PLD5: variants seen among roughly 807,000 people sequenced by gnomAD.
PLD5 encodes the protein inactive phospholipase D5.
Under a neutral mutation model 61.1 loss-of-function variants are expected in PLD5, and 36 were observed. The ratio of observed to expected loss-of-function variants is 0.59; its 90% CI spans 0.45 to 0.78. The LOEUF (loss-of-function observed/expected upper bound fraction) is 0.78. Ranked by LOEUF, PLD5 falls within the 30% of genes least tolerant of loss-of-function variation. PLD5 has a pLI of 0.00. For synonymous variants in PLD5, 243 were observed against 242.8 expected, an observed-to-expected ratio of 1.00 and a Z score of -0.01; for missense variants, 515 against 644.4, an observed-to-expected ratio of 0.80 and a Z score of 2.17.
chr1:242,475,163 A>G (rs536671576), intron 1 of PLD5, among the ~76,000 whole-genome samples: 1 of 152,370 alleles, frequency 6.6e-6, no homozygotes, highest in South Asian at 2.1e-4. Flanking sequence ...TAACATAGAG[A>G]TGCATGTGCG....
chr1:242,478,541 G>C (rs887973640), intron 1 of PLD5, among the ~76,000 whole-genome samples: 1 of 152,150 alleles, frequency 6.6e-6, no homozygotes, highest in Non-Finnish European at 1.5e-5. Context: ...ACAACTTTCT[G>C]ACCTCCCAGG....
chr1:242,137,054 C>T (rs376556256), intron 5 of PLD5, among the ~76,000 whole-genome samples: 1 of 152,202 alleles, frequency 6.6e-6, no homozygotes, highest in South Asian at 2.1e-4. Flanking sequence ...AGAAGTCAGT[C>T]TGGCAGCAGC....
intron 1 of PLD5, among the ~76,000 whole-genome samples, chr1:242,438,337 C>T (rs1371763141): frequency 6.6e-6 from 1 of 150,636 alleles, no homozygotes; most frequent in Non-Finnish European, 1.5e-5. Flanking sequence ...AATCTTGGCT[C>T]ACTGCAACCT....
At chr1:242,204,337 C>T (rs1669185084) in intron 5 of PLD5, among the ~76,000 whole-genome samples, 2 of 152,096 alleles carry the variant, frequency 1.3e-5, no homozygotes. Flanking sequence ...TGATAATAAC[C>T]TTGAGCAGCA....
At chr1:242,152,033 G>C (rs934815323) in intron 5 of PLD5, among the ~76,000 whole-genome samples, 7 of 150,656 alleles carry the variant, frequency 4.6e-5, no homozygotes, top group African/African-American at 1.7e-4. Flanking sequence ...TTTCAGTGCT[G>C]CAAAGGTACA....
rs1659350330 is a variant in PLD5, at chr1:242,084,000, T to A, written c.*5854A>T. 6.6e-6 allele frequency: 1 copy of A among 152,274 alleles called. No homozygotes were observed. The highest frequency in any genetic ancestry group is 2.1e-4 in the South Asian group (1 of 4,822). The allele number at this position is 152,274 out of a possible 1,614,324, so 9.4% of individuals were successfully genotyped here. On this transcript the variant is annotated 3_prime_UTR_variant, in exon 10 of 10. Coordinates refer to ENST00000536534, the MANE Select transcript of PLD5 (RefSeq NM_001372062.1). ...GGAGAGTCCATAAGGGAATTAATAA[T>A]TTTTTAATGTCTGAGCCAAAAGGAA...
intron 2 of PLD5, among the ~76,000 whole-genome samples, chr1:242,311,627 G>A (rs1010864451): frequency 2.6e-5 from 4 of 152,178 alleles, no homozygotes; most frequent in African/African-American, 7.2e-5. Context: ...TTTGTACGTG[G>A]CAGGCTACTT....
chr1:242,130,360 A>C (rs1663141350), intron 5 of PLD5, among the ~76,000 whole-genome samples: 1 of 152,192 alleles, frequency 6.6e-6, no homozygotes. Context: ...CCTGTTGATG[A>C]ATACTTTGAT....
At chr1:242,333,266 CA>C (rs1659299896) in intron 2 of PLD5, among the ~76,000 whole-genome samples, 1 of 152,174 alleles carries the variant, frequency 6.6e-6, no homozygotes, top group South Asian at 2.1e-4. Flanking sequence ...TGTACAGAAA[CA>C]ATCTCCCAAC....
In PLD5 at chr1:242,089,475, A is replaced by G; in HGVS notation, c.*379T>C. 2 of 437,412 alleles carry G rather than the reference A, an allele frequency of 4.6e-6. No homozygotes were observed. Among genetic ancestry groups the G allele is most frequent in the Non-Finnish European group, 4.0e-6 (1 of 249,686 alleles). 27.1% of individuals were successfully genotyped at this position (437,412 alleles called of 1,614,324 possible). A position where few individuals can be genotyped will look rare whatever the true frequency, so the allele number is the denominator to read the frequency against. On this transcript the variant is annotated 3_prime_UTR_variant, in exon 10 of 10. Transcript: ENST00000536534. ...GCAAAATCCTCACCTTCCTCTCTAAATCAACAGTTCTCAGAATGGTGTTAA... is the reference window on the plus strand; with the variant it reads ...GCAAAATCCTCACCTTCCTCTCTAAGTCAACAGTTCTCAGAATGGTGTTAA...
rs1227669857 is a variant in PLD5 at position 242,494,063 on chromosome 1, T to C, written c.189+30025A>G. On this transcript the variant is annotated intron_variant, in intron 1 of 9. Transcript: ENST00000536534. Reference sequence around the variant, plus strand: ...GCATTGGTATGCTTCATGTTTCCCTTCCCTCCACTCCCCTCCCCTGCCCTC... The same window carrying C: ...GCATTGGTATGCTTCATGTTTCCCTCCCCTCCACTCCCCTCCCCTGCCCTC... Among the ~76,000 whole-genome samples, 147 of 85,194 alleles carry C rather than the reference T, an allele frequency of 1.7e-3. 1 individual carries two copies. Among genetic ancestry groups the C allele is most frequent in the Non-Finnish European group, 2.9e-3 (113 of 38,734 alleles). 55.9% of individuals were successfully genotyped at this position (85,194 alleles called of 152,430 possible).
chr1:242,171,113 G>C (rs963445066), intron 5 of PLD5, among the ~76,000 whole-genome samples: 1 of 152,098 alleles, frequency 6.6e-6, no homozygotes, highest in Non-Finnish European at 1.5e-5. Flanking sequence ...TGAAATGAGG[G>C]AAAAAATGTT....
At chr1:242,356,125 T>G (rs1316134996) in intron 1 of PLD5, among the ~76,000 whole-genome samples, 6 of 148,746 alleles carry the variant, frequency 4.0e-5, no homozygotes, top group Non-Finnish European at 6.0e-5. Context: ...TCAAGTCCAC[T>G]GTTTTCTTAT....
intron 2 of PLD5, among the ~76,000 whole-genome samples, chr1:242,304,365 T>G (rs1252909009): frequency 1.3e-5 from 2 of 152,232 alleles, no homozygotes; most frequent in Non-Finnish European, 2.9e-5. Flanking sequence ...CCAAGGGCGA[T>G]CAGCATCATC....
intron 1 of PLD5, among the ~76,000 whole-genome samples, chr1:242,503,041 C>A (rs1024050583): frequency 6.6e-5 from 10 of 152,130 alleles, no homozygotes; most frequent in African/African-American, 2.4e-4. Flanking sequence ...AGCCTGGCAA[C>A]AGAGCAAGAC....
chr1:242,419,917 A>G (rs556292505), intron 1 of PLD5, among the ~76,000 whole-genome samples: 110 of 152,158 alleles, frequency 7.2e-4, no homozygotes, highest in Non-Finnish European at 1.4e-3. Flanking sequence ...GCTTCCAACT[A>G]CTTTAAGGGA....
At chr1:242,307,045 G>A (rs1676409912) in intron 2 of PLD5, among the ~76,000 whole-genome samples, 1 of 152,188 alleles carries the variant, frequency 6.6e-6, no homozygotes, top group Non-Finnish European at 1.5e-5. Flanking sequence ...TCTATTCCTT[G>A]CTGGTGAGAG....
chr1:242,102,748 G>A (rs1660778479), intron 8 of PLD5, among the ~76,000 whole-genome samples: 1 of 152,042 alleles, frequency 6.6e-6, no homozygotes, highest in Non-Finnish European at 1.5e-5. Flanking sequence ...TAGACATTAG[G>A]GCCATAAGCT....
At position 242,220,032 on chromosome 1, in the gene PLD5, C is replaced by T. The variant is rs763027203; in HGVS notation, c.691G>A (p.Val231Met). Residue 231 changes from valine to methionine, a missense_variant, in exon 5 of 10, where the codon GTG (valine) becomes ATG (methionine). By Grantham distance (21) the Val-to-Met change is conservative. Coordinates refer to ENST00000536534, the MANE Select transcript of PLD5 (RefSeq NM_001372062.1). Reference protein sequence around the residue: ...SSFWIVDKQHVYIGSAGLDWQ... With the variant: ...SSFWIVDKQHMYIGSAGLDWQ... Reference sequence around the variant, plus strand: ...TCCAAACCGGCACTGCCGATATACACGTGCTGTTTGTCCACGATCCAGAAG... The same window carrying T: ...TCCAAACCGGCACTGCCGATATACATGTGCTGTTTGTCCACGATCCAGAAG... The T allele has an allele frequency of 8.7e-6, 14 of 1,614,206 alleles. No individual in the cohort carries two copies. The East Asian group carries it at 8.9e-5, about 10-fold the overall frequency.
Sources: allele counts gnomAD v4.1 joint callset (sites outside exome capture counted in the v4.1 genomes callset), GRCh38; gene constraint gnomAD v4.1.1; transcripts MANE v1.5; gene names NCBI Gene and HGNC (gene_info 2026-07-23, HGNC 2026-07-21).